The following SERPINE2 variants were observed in gnomAD, a reference collection of about 807,000 sequenced individuals.
SERPINE2 encodes the protein glia-derived nexin.
SERPINE2 carries 14 observed loss-of-function variants against 36.3 expected under a neutral mutation model. The ratio of observed to expected loss-of-function variants is 0.39; its 90% CI spans 0.25 to 0.60. The LOEUF is 0.60. SERPINE2 is among the 20% of genes least tolerant of loss of function. The pLI is 0.57. For synonymous variants in SERPINE2, 192 were observed against 191.8 expected, an observed-to-expected ratio of 1.00 and a Z score of -0.01; for missense variants, 418 against 499.6, an observed-to-expected ratio of 0.84 and a Z score of 1.56.
chr2:224,022,334 G>GAA (rs11283961), intron 1 of SERPINE2, among the ~76,000 whole-genome samples: 2 of 123,460 alleles, frequency 1.6e-5, no homozygotes, highest in African/African-American at 6.2e-5. Flanking sequence ...CCTGTCTCAA[G>GAA]AAAAAAAAAA....
intron 1 of SERPINE2, among the ~76,000 whole-genome samples, chr2:224,021,886 G>A (rs180674526): frequency 1.2e-3 from 188 of 152,200 alleles, no homozygotes; most frequent in Middle Eastern, 0.01. Context: ...TAGGCTGGGC[G>A]TGGTGGCTCA....
chr2:224,002,993 TA>T (rs1691245339), intron 1 of SERPINE2, among the ~76,000 whole-genome samples: 1 of 151,662 alleles, frequency 6.6e-6, no homozygotes, highest in South Asian at 2.1e-4. Flanking sequence ...CAGAAAAGGA[TA>T]AAGAGCACAA....
intron 1 of SERPINE2, among the ~76,000 whole-genome samples, chr2:224,016,552 T>A (rs963730682): frequency 1.3e-5 from 2 of 151,832 alleles, no homozygotes; most frequent in African/African-American, 2.4e-5. Flanking sequence ...TATTATTTAT[T>A]TTTTTTTAAT....
intron 1 of SERPINE2, among the ~76,000 whole-genome samples, chr2:224,035,344 A>G (rs1223073912): frequency 6.6e-6 from 1 of 151,988 alleles, no homozygotes; most frequent in African/African-American, 2.4e-5. Flanking sequence ...GGTTTGCCAC[A>G]TGGGAATGTA....
intron 1 of SERPINE2, chr2:224,038,837 T>G (rs1022339898): frequency 6.6e-6 from 2 of 302,806 alleles, no homozygotes; most frequent in Non-Finnish European, 6.0e-6. Context: ...CGCCTTGCCC[T>G]GCCCGGGTCC....
intron 1 of SERPINE2, among the ~76,000 whole-genome samples, chr2:224,014,482 G>A (rs1691731080): frequency 6.6e-6 from 1 of 152,236 alleles, no homozygotes; most frequent in Admixed American, 6.5e-5. Context: ...TTCAGACGGA[G>A]ACTCTGATTC....
intron 1 of SERPINE2, chr2:224,031,106 A>G: frequency 1.0e-6 from 1 of 985,432 alleles, no homozygotes; most frequent in Non-Finnish European, 1.2e-6. Flanking sequence ...AAGAAGGTAT[A>G]AACATTGATG....
intron 1 of SERPINE2, among the ~76,000 whole-genome samples, chr2:224,035,849 C>A (rs1014069634): frequency 6.6e-6 from 1 of 152,174 alleles, no homozygotes; most frequent in South Asian, 2.1e-4. Flanking sequence ...GCAAGGCCAG[C>A]GTGACTAGAG....
At chr2:223,985,745 G>C (rs896977063) in intron 4 of SERPINE2, among the ~76,000 whole-genome samples, 1 of 152,204 alleles carries the variant, frequency 6.6e-6, no homozygotes, top group Non-Finnish European at 1.5e-5. Context: ...GGAGCCAGGA[G>C]AGTCTAATGC....
chr2:223,982,862 T>C (rs1321094471), intron 5 of SERPINE2, 81 bp from the exon 6 acceptor site: 39 of 977,172 alleles, frequency 4.0e-5, no homozygotes, highest in Non-Finnish European at 5.9e-5. Context: ...GTTTACAAAC[T>C]GATTCTTTTA....
At chr2:224,015,483 G>T (rs1394222774) in intron 1 of SERPINE2, among the ~76,000 whole-genome samples, 2 of 152,200 alleles carry the variant, frequency 1.3e-5, no homozygotes, top group African/African-American at 4.8e-5. Flanking sequence ...CAAACCTTGT[G>T]TTGGGAGGTA....
chr2:224,001,033 C>T (rs779295842), intron 2 of SERPINE2, among the ~76,000 whole-genome samples: 15 of 152,134 alleles, frequency 9.9e-5, no homozygotes, highest in Non-Finnish European at 1.3e-4. Flanking sequence ...GGAAGTCCCA[C>T]GTGCCTTTCA....
At chr2:224,037,177 G>A (rs1176847466) in intron 1 of SERPINE2, among the ~76,000 whole-genome samples, 3 of 152,182 alleles carry the variant, frequency 2.0e-5, no homozygotes, top group Non-Finnish European at 4.4e-5. Flanking sequence ...AGATGCTTAA[G>A]AAGATTTATT....
chr2:224,033,237 G>A (rs57418227), intron 1 of SERPINE2, among the ~76,000 whole-genome samples: 13,650 of 152,176 alleles, frequency 0.09, 903 homozygotes, highest in East Asian at 0.28. Context: ...CAAGATTCAA[G>A]TATATGGGAC....
intron 1 of SERPINE2, chr2:224,038,350 A>G: frequency 1.4e-6 from 1 of 717,422 alleles, no homozygotes; most frequent in Non-Finnish European, 2.5e-6. Context: ...AAACACTAAA[A>G]CCTTCAACAG....
chr2:224,000,145 T>C (rs981268522), intron 2 of SERPINE2, among the ~76,000 whole-genome samples: 2 of 152,180 alleles, frequency 1.3e-5, no homozygotes, highest in East Asian at 1.9e-4. Flanking sequence ...ACGACGCCAG[T>C]GCAGTCAAGA....
intron 1 of SERPINE2, among the ~76,000 whole-genome samples, chr2:224,026,032 G>C (rs533934480): frequency 1.3e-5 from 2 of 152,220 alleles, no homozygotes; most frequent in Non-Finnish European, 2.9e-5. Context: ...TAATGAAATA[G>C]GAGAAGTGAC....
intron 1 of SERPINE2, among the ~76,000 whole-genome samples, chr2:224,033,588 G>A (rs1454089732): frequency 6.6e-6 from 1 of 150,890 alleles, no homozygotes; most frequent in Non-Finnish European, 1.5e-5. Flanking sequence ...TATTGGTGGT[G>A]CAGCCCATAC....
Position 223,987,840 on chromosome 2 carries a change from A to C in SERPINE2, c.686-2890T>G, listed in dbSNP as rs377235624. 2.9e-4 allele frequency among the ~76,000 whole-genome samples: 44 copies of C among 152,342 alleles called. 1 individual carries two copies. In the South Asian group the frequency reaches 8.9e-3, roughly 31 times the overall value. On this transcript the variant is annotated intron_variant, in intron 4 of 8. Transcript: ENST00000409304. ...CTGAAATGTTAAGAGCTCACACTGT[A>C]AAATCAAAGAGGGTATCTTAAATAT...
Sources: allele counts gnomAD v4.1 joint callset (sites outside exome capture counted in the v4.1 genomes callset), GRCh38; gene constraint gnomAD v4.1.1; transcripts MANE v1.5; gene names NCBI Gene and HGNC (gene_info 2026-07-23, HGNC 2026-07-21).